Variants in KREMEN1 observed in about 807,000 individuals in gnomAD.
The protein encoded by KREMEN1 is kremen protein 1.
Under a neutral mutation model 46.5 loss-of-function variants are expected in KREMEN1, and 30 were observed. The ratio of observed to expected loss-of-function variants is 0.65; its 90% confidence interval spans 0.48 to 0.88. The LOEUF is 0.88. KREMEN1 is among the 40% of genes least tolerant of loss of function. The pLI, the probability that KREMEN1 is intolerant of heterozygous loss-of-function variation, is 0.00. For missense variants in KREMEN1, 533 were observed against 596.9 expected (o/e 0.89, Z 1.11); for synonymous variants, 214 against 230.6 (o/e 0.93, Z 0.65).
intron 5 of KREMEN1, among the ~76,000 whole-genome samples, chr22:29,131,760 A>ATG (rs2038561008): frequency 7.6e-6 from 1 of 132,370 alleles, no homozygotes; most frequent in African/African-American, 3.5e-5. Context: ...ATATATGTAT[A>ATG]TATATATGTA....
intron 3 of KREMEN1, among the ~76,000 whole-genome samples, chr22:29,120,584 T>A (rs369789956): frequency 6.2e-5 from 4 of 64,176 alleles, no homozygotes; most frequent in Non-Finnish European, 6.2e-5. Flanking sequence ...GAGTTGATGA[T>A]GGAAACAGGG....
intron 3 of KREMEN1, among the ~76,000 whole-genome samples, chr22:29,105,016 G>T (rs534892023): frequency 2.0e-5 from 3 of 152,334 alleles, no homozygotes; most frequent in African/African-American, 7.2e-5. Context: ...GGGACACAAG[G>T]ATAGTATGTT....
rs929216268 is a variant in KREMEN1, at chr22:29,125,342, C to G, written c.557C>G (p.Thr186Ser). 1 of 1,614,148 alleles carries G rather than the reference C, an allele frequency of 6.2e-7. No individual in the cohort carries two copies. Among genetic ancestry groups the G allele is most frequent in the African/African-American group, 1.3e-5 (1 of 75,024 alleles). ...DYWKYGEAAS[T>S]ECNSVCFGDH... Reference sequence around the variant, plus strand: ...TGGAAGTACGGGGAGGCAGCCAGTACCGAATGCAACAGCGTCTGCTTCGGG... The same window carrying G: ...TGGAAGTACGGGGAGGCAGCCAGTAGCGAATGCAACAGCGTCTGCTTCGGG... Residue 186 changes from threonine to serine, a missense_variant, in exon 5 of 9, where the codon ACC (threonine) becomes AGC (serine). By Grantham distance (58) the Thr-to-Ser change is moderately conservative. Coordinates refer to ENST00000400335, the MANE Select transcript of KREMEN1 (RefSeq NM_001039570.3).
At chr22:29,117,851 T>A (rs739210) in intron 3 of KREMEN1, among the ~76,000 whole-genome samples, 54,915 of 152,118 alleles carry the variant, frequency 0.36, 11,400 homozygotes, top group East Asian at 0.64. Context: ...AATAAAGCTA[T>A]ATTTAGTATT....
chr22:29,161,536 T>C (rs911884774), intron 9 of KREMEN1, among the ~76,000 whole-genome samples: 1 of 148,060 alleles, frequency 6.8e-6, no homozygotes, highest in African/African-American at 2.5e-5. Flanking sequence ...AAAAAAGATA[T>C]TGAATTGGTA....
intron 5 of KREMEN1, among the ~76,000 whole-genome samples, chr22:29,133,679 GT>G (rs1490076823): frequency 6.6e-6 from 1 of 151,536 alleles, no homozygotes; most frequent in Non-Finnish European, 1.5e-5. Context: ...TTTTGCTTTT[GT>G]TTTTGTTTTT....
chr22:29,137,684 C>T lies in KREMEN1; in HGVS notation c.964+10C>T. The T allele has an allele frequency of 6.4e-7, 1 of 1,574,108 alleles. No homozygotes were observed. Among genetic ancestry groups the T allele is most frequent in the African/African-American group, 1.3e-5 (1 of 74,344 alleles). On this transcript the variant is annotated intron_variant, in intron 6 of 8. Transcript: ENST00000400335. ...GCTGTTTTATACCAAGGTAAGACAT[C>T]TTTGCCTCCTTGGGGGTTCTTCAGG...
intron 3 of KREMEN1, among the ~76,000 whole-genome samples, chr22:29,114,486 C>CAAAAAA (rs134685): frequency 1.1e-4 from 10 of 88,038 alleles, no homozygotes; most frequent in African/African-American, 4.9e-4. Flanking sequence ...AACTCCGTGT[C>CAAAAAA]AAAAAAAAAA....
intron 9 of KREMEN1, among the ~76,000 whole-genome samples, chr22:29,163,564 A>T (rs773812612): frequency 3.9e-5 from 6 of 151,906 alleles, no homozygotes; most frequent in Non-Finnish European, 7.4e-5. Flanking sequence ...TTTAGTAGAG[A>T]CAGGGTTTCA....
chr22:29,144,210 T>G lies in KREMEN1; in HGVS notation c.*2098T>G, dbSNP rs12485095. The G allele has an allele frequency of 0.039, 38,619 of 985,546 alleles. 1,082 individuals are homozygous for G. Among genetic ancestry groups the G allele is most frequent in the East Asian group, 0.18 (1,555 of 8,800 alleles). The allele number at this position is 985,546 out of a possible 1,614,324, so 61.1% of individuals were successfully genotyped here. A position where few individuals can be genotyped will look rare whatever the true frequency, so the allele number is the denominator to read the frequency against. ...CTACCTCCCCCAAGCCCTGAGCCAC[T>G]GCCTGCTGGGGCTCCTACTGAGGTT... On this transcript the variant is annotated 3_prime_UTR_variant, in exon 9 of 9. Transcript: ENST00000400335.
At chr22:29,129,863 G>A (rs1281648400) in intron 5 of KREMEN1, among the ~76,000 whole-genome samples, 2 of 152,170 alleles carry the variant, frequency 1.3e-5, no homozygotes, top group Non-Finnish European at 2.9e-5. Flanking sequence ...GTGTACTGTG[G>A]GCAAGCACAA....
intron 1 of KREMEN1, among the ~76,000 whole-genome samples, chr22:29,082,386 C>T (rs134619): frequency 0.64 from 97,198 of 151,878 alleles, 31,301 homozygotes; most frequent in Middle Eastern, 0.78. Context: ...TAGCAGAGTC[C>T]CTGGTTTAAA....
intron 1 of KREMEN1, among the ~76,000 whole-genome samples, chr22:29,093,671 C>A (rs1438362077): frequency 6.6e-6 from 1 of 152,232 alleles, no homozygotes; most frequent in African/African-American, 2.4e-5. Flanking sequence ...TGTTCCACCT[C>A]TATCTCAAAC....
chr22:29,114,308 A>G (rs2038198914), intron 3 of KREMEN1, among the ~76,000 whole-genome samples: 1 of 151,760 alleles, frequency 6.6e-6, no homozygotes, highest in Admixed American at 6.6e-5. Context: ...ACATGGTGAA[A>G]CCCCATCTCT....
intron 2 of KREMEN1, among the ~76,000 whole-genome samples, chr22:29,098,648 C>T (rs1037695273): frequency 2.2e-4 from 34 of 152,264 alleles, no homozygotes; most frequent in African/African-American, 7.9e-4. Context: ...TTACTCACTT[C>T]CCCCCAAACT....
At chr22:29,120,424 G>GA (rs2038327172) in intron 3 of KREMEN1, among the ~76,000 whole-genome samples, 1 of 132,508 alleles carries the variant, frequency 7.5e-6, no homozygotes, top group Non-Finnish European at 1.7e-5. Flanking sequence ...AGGAAACAGG[G>GA]AGGAGGGAGA....
intron 9 of KREMEN1, among the ~76,000 whole-genome samples, chr22:29,152,961 G>A (rs1049878120): frequency 6.6e-6 from 1 of 152,230 alleles, no homozygotes; most frequent in Non-Finnish European, 1.5e-5. Flanking sequence ...TAGACTTACG[G>A]TTATTTCTTG....
Position 29,098,923 on chromosome 22 carries a change from T to C in KREMEN1, c.322T>C (p.Trp108Arg), listed in dbSNP as rs771028250. 1 of 1,613,914 alleles carries C rather than the reference T, an allele frequency of 6.2e-7. No individual in the cohort carries two copies. Among genetic ancestry groups the C allele is most frequent in the East Asian group, 2.2e-5 (1 of 44,886 alleles). ...YVAEHEDGVY[W>R]KYCEIPACQM... Reference sequence around the variant, plus strand: ...GGCAGAGCACGAGGATGGTGTCTACTGGAAGTACTGTGAGATACCTGCTTG... The same window carrying C: ...GGCAGAGCACGAGGATGGTGTCTACCGGAAGTACTGTGAGATACCTGCTTG... The change falls in exon 3 of 9, where the codon TGG (tryptophan) becomes CGG (arginine). Residue 108 changes from tryptophan (W) to arginine (R), a missense_variant. Trp to Arg is a moderately radical substitution (Grantham distance 101). Coordinates refer to ENST00000400335, the MANE Select transcript of KREMEN1 (RefSeq NM_001039570.3).
intron 5 of KREMEN1, among the ~76,000 whole-genome samples, chr22:29,131,679 C>CAT (rs201935740): frequency 0.045 from 3,910 of 87,148 alleles, 324 homozygotes; most frequent in African/African-American, 0.18. Context: ...TATATATATG[C>CAT]ATATATACAT....
Sources: allele counts gnomAD v4.1 joint callset (sites outside exome capture counted in the v4.1 genomes callset), GRCh38; gene constraint gnomAD v4.1.1; transcripts MANE v1.5; gene names NCBI Gene and HGNC (gene_info 2026-07-23, HGNC 2026-07-21).